Variants in RFX3 observed in about 807,000 individuals in gnomAD.
The protein encoded by RFX3 is transcription factor RFX3.
Under a neutral mutation model 98.6 loss-of-function variants are expected in RFX3, and 14 were observed. The ratio of observed to expected loss-of-function variants is 0.14; its 90% CI spans 0.09 to 0.22. The LOEUF is 0.22. Ranked by LOEUF, RFX3 falls within the 10% of genes least tolerant of loss-of-function variation. The pLI, the probability that RFX3 is intolerant of heterozygous loss-of-function variation, is 1.00. For synonymous variants in RFX3, 383 were observed against 328.4 expected, an observed-to-expected ratio of 1.17 and a Z score of -1.80; for missense variants, 639 against 926.9, an observed-to-expected ratio of 0.69 and a Z score of 4.03.
chr9:3,243,828 T>C (rs1820275667), intron 15 of RFX3, among the ~76,000 whole-genome samples: 1 of 152,176 alleles, frequency 6.6e-6, no homozygotes, highest in South Asian at 2.1e-4. Flanking sequence ...AAATTGTTCC[T>C]ACTCCAATCC....
At chr9:3,373,819 C>A (rs542918088) in intron 2 of RFX3, among the ~76,000 whole-genome samples, 1 of 152,284 alleles carries the variant, frequency 6.6e-6, no homozygotes, top group Admixed American at 6.5e-5. Flanking sequence ...TGGCTCACGC[C>A]TGTAATCCCA....
At chr9:3,467,270 A>G (rs1848386694) in intron 1 of RFX3, among the ~76,000 whole-genome samples, 1 of 145,992 alleles carries the variant, frequency 6.8e-6, no homozygotes, top group South Asian at 2.1e-4. Flanking sequence ...ATATGTACAT[A>G]CATACATATA....
At chr9:3,411,030 G>C (rs1261182477) in intron 1 of RFX3, among the ~76,000 whole-genome samples, 1 of 152,078 alleles carries the variant, frequency 6.6e-6, no homozygotes, top group Non-Finnish European at 1.5e-5. Flanking sequence ...TGATATTCTT[G>C]TTGTACCATA....
chr9:3,286,839 A>G (rs1826673668), intron 7 of RFX3, among the ~76,000 whole-genome samples: 1 of 151,904 alleles, frequency 6.6e-6, no homozygotes, highest in Non-Finnish European at 1.5e-5. Flanking sequence ...TACCACAGAC[A>G]TCATGGACTT....
chr9:3,257,833 C>A (rs921969256), intron 13 of RFX3, among the ~76,000 whole-genome samples: 2 of 152,094 alleles, frequency 1.3e-5, no homozygotes, highest in Non-Finnish European at 1.5e-5. Context: ...ATAACAACAA[C>A]AACAAAAACT....
Position 3,403,954 on chromosome 9 carries a change from T to C in RFX3, c.-8-8358A>G, listed in dbSNP as rs546771418. Among the ~76,000 whole-genome samples the C allele has an allele frequency of 3.9e-5, 6 of 152,306 alleles. No individual in the cohort carries two copies. In the South Asian group the frequency reaches 1.2e-3, roughly 32 times the overall value. ...ATTATCTTGCCTACACAAGAATTTT[T>C]TTCTCTCATCTCTTTTTCTTTTAAT... is the stretch of plus-strand genomic sequence containing the variant. On this transcript the variant is annotated intron_variant, in intron 1 of 16. Transcript: ENST00000617270.
At position 3,447,579 on chromosome 9, in the gene RFX3, A is replaced by G. The variant is rs150407261; in HGVS notation, c.-8-51983T>C. 5.1e-3 allele frequency among the ~76,000 whole-genome samples: 783 copies of G among 152,318 alleles called. 10 individuals carry two copies. The highest frequency in any genetic ancestry group is 7.9e-3 in the Admixed American group (121 of 15,296). On this transcript the variant is annotated intron_variant, in intron 1 of 16. Transcript: ENST00000617270. Reference sequence around the variant, plus strand: ...TCAACTTTGTTCTTGCTCATTTTATAAATACACAGGTTAACAAAAGGAGGT... The same window carrying G: ...TCAACTTTGTTCTTGCTCATTTTATGAATACACAGGTTAACAAAAGGAGGT...
At chr9:3,394,427 C>CACTGCAGCCTGGGAG (rs1840646623) in intron 2 of RFX3, among the ~76,000 whole-genome samples, 1 of 152,156 alleles carries the variant, frequency 6.6e-6, no homozygotes, top group Admixed American at 6.5e-5. Flanking sequence ...GATGCCACTG[C>CACTGCAGCCTGGGAG]ACTGCAGCCT....
rs1307411902 is a variant in RFX3 at position 3,326,565 on chromosome 9, T to TA, written c.474+3693dup. Among the ~76,000 whole-genome samples, 699 of 152,282 alleles carry TA rather than the reference T, an allele frequency of 4.6e-3. 6 individuals carry two copies. Among genetic ancestry groups the TA allele is most frequent in the African/African-American group, 0.016 (658 of 41,566 alleles). On this transcript the variant is annotated intron_variant, in intron 4 of 16. Transcript: ENST00000617270. Reference sequence around the variant, plus strand: ...GTATTCTCATCATTTAGCTTCCACTTACAAGTGAGAACATGCAGTATTTGG... The same window carrying TA: ...GTATTCTCATCATTTAGCTTCCACTTAACAAGTGAGAACATGCAGTATTTGG...
At chr9:3,504,770 GTATA>G (rs1160784623) in intron 1 of RFX3, among the ~76,000 whole-genome samples, 1 of 60,322 alleles carries the variant, frequency 1.7e-5, no homozygotes, top group Non-Finnish European at 2.3e-5. Flanking sequence ...TATGCTATAT[GTATA>G]TATTGTATAT....
In RFX3 at chr9:3,457,773, T is replaced by G. The variant is rs1847325302; in HGVS notation, c.-8-62177A>C. Among the ~76,000 whole-genome samples, 3 of 152,260 alleles carry G rather than the reference T, an allele frequency of 2.0e-5. No homozygotes were observed. In the South Asian group the frequency reaches 6.2e-4, roughly 32 times the overall value. On this transcript the variant is annotated intron_variant, in intron 1 of 16. Coordinates refer to ENST00000617270, the MANE Select transcript of RFX3 (RefSeq NM_001282116.2). The stretch of plus-strand genomic sequence containing the variant: ...AAGGAACTCCACACACTTCATTCAT[T>G]CAATGAATGTTTTACCGATTGCCAT...
In RFX3 at chr9:3,308,768, G is replaced by A. The variant is rs370907800; in HGVS notation, c.475-7148C>T. The stretch of plus-strand genomic sequence containing the variant: ...TAGAGATGACCCACCCCCATGCCAT[G>A]ACTGTTGCTGTGAGTGAGTTCAATT... On this transcript the variant is annotated intron_variant, in intron 4 of 16. Transcript: ENST00000617270. Among the ~76,000 whole-genome samples the A allele has an allele frequency of 2.6e-5, 4 of 152,214 alleles. No individual in the cohort carries two copies. The East Asian group carries it at 5.8e-4, about 22-fold the overall frequency.
chr9:3,274,375 T>G (rs923429807), intron 9 of RFX3, among the ~76,000 whole-genome samples: 1 of 152,208 alleles, frequency 6.6e-6, no homozygotes, highest in Non-Finnish European at 1.5e-5. Flanking sequence ...CAAATATCCC[T>G]GGAATAAAGC....
chr9:3,308,215 A>C (rs1434009244), intron 4 of RFX3, among the ~76,000 whole-genome samples: 3 of 152,126 alleles, frequency 2.0e-5, no homozygotes, highest in Admixed American at 6.6e-5. Flanking sequence ...CTTGGGAATT[A>C]AGACTGGTTC....
At chr9:3,237,811 C>A (rs1334116320) in intron 15 of RFX3, among the ~76,000 whole-genome samples, 3 of 152,146 alleles carry the variant, frequency 2.0e-5, no homozygotes, top group Admixed American at 2.0e-4. Flanking sequence ...AGGAGTGGAG[C>A]ACAGCATGGG....
At chr9:3,261,445 G>A (rs1348390576) in intron 13 of RFX3, among the ~76,000 whole-genome samples, 3 of 152,044 alleles carry the variant, frequency 2.0e-5, no homozygotes, top group Non-Finnish European at 4.4e-5. Flanking sequence ...ATGTTTCCAA[G>A]GTTCATCTAT....
intron 4 of RFX3, among the ~76,000 whole-genome samples, chr9:3,321,248 T>G (rs548375697): frequency 6.6e-6 from 1 of 152,312 alleles, no homozygotes; most frequent in African/African-American, 2.4e-5. Context: ...AATATAGTTT[T>G]TATGTAGCAT....
intron 1 of RFX3, among the ~76,000 whole-genome samples, chr9:3,470,255 AG>A (rs1317306437): frequency 6.6e-6 from 1 of 152,156 alleles, no homozygotes; most frequent in African/African-American, 2.4e-5. Flanking sequence ...AGTAACTGAC[AG>A]GGCAAGATTC....
At chr9:3,494,952 C>A (rs566429065) in intron 1 of RFX3, among the ~76,000 whole-genome samples, 1 of 151,884 alleles carries the variant, frequency 6.6e-6, no homozygotes, top group Non-Finnish European at 1.5e-5. Flanking sequence ...GTTAAAAGGC[C>A]TTACCAATAG....
Sources: gnomAD v4.1 joint callset for allele counts (sites outside exome capture counted in the v4.1 genomes callset) on GRCh38, gnomAD v4.1.1 for gene constraint, MANE v1.5 for transcripts, NCBI Gene and HGNC (gene_info 2026-07-23, HGNC 2026-07-21) for gene names.